Variants in CNTNAP2 observed in about 807,000 individuals in gnomAD.
CNTNAP2 encodes the protein contactin-associated protein-like 2.
Under a neutral mutation model 155.2 loss-of-function variants are expected in CNTNAP2, and 98 were observed. The ratio of observed to expected loss-of-function variants is 0.63; its 90% CI spans 0.54 to 0.75. The LOEUF (loss-of-function observed/expected upper bound fraction) is 0.75. CNTNAP2 is among the 30% of genes least tolerant of loss of function. The pLI, the probability that CNTNAP2 is intolerant of heterozygous loss-of-function variation, is 0.00. For synonymous variants in CNTNAP2, 651 were observed against 631.2 expected, an observed-to-expected ratio of 1.03 and a Z score of -0.47; for missense variants, 1,727 against 1,688.1, an observed-to-expected ratio of 1.02 and a Z score of -0.40.
At chr7:147,031,127 G>A (rs2129250204) in intron 3 of CNTNAP2, among the ~76,000 whole-genome samples, 1 of 151,962 alleles carries the variant, frequency 6.6e-6, no homozygotes, top group East Asian at 1.9e-4. Flanking sequence ...TGTTAGATTT[G>A]TATTTCTGTT....
intron 22 of CNTNAP2, among the ~76,000 whole-genome samples, chr7:148,403,872 A>G (rs546985742): frequency 7.2e-6 from 1 of 139,690 alleles, no homozygotes; most frequent in Non-Finnish European, 1.7e-5. Flanking sequence ...GAGTGCTCAC[A>G]CTAAACAAAC....
At chr7:146,288,588 A>C (rs1800376789) in intron 1 of CNTNAP2, among the ~76,000 whole-genome samples, 1 of 151,898 alleles carries the variant, frequency 6.6e-6, no homozygotes, top group Non-Finnish European at 1.5e-5. Context: ...AAAAACCTTA[A>C]GGACTTACTC....
intron 9 of CNTNAP2, among the ~76,000 whole-genome samples, chr7:147,330,193 T>C (rs1421267072): frequency 1.3e-5 from 2 of 152,124 alleles, no homozygotes; most frequent in East Asian, 3.9e-4. Flanking sequence ...TTAGGCTCTA[T>C]GAAAATTCCT....
intron 13 of CNTNAP2, among the ~76,000 whole-genome samples, chr7:147,705,326 T>C (rs1377722521): frequency 2.6e-5 from 4 of 152,176 alleles, no homozygotes; most frequent in Non-Finnish European, 5.9e-5. Context: ...TTCAAGAGCA[T>C]GTTGGTTAAT....
chr7:146,758,098 C>T (rs559425390), intron 1 of CNTNAP2, among the ~76,000 whole-genome samples: 7 of 152,242 alleles, frequency 4.6e-5, no homozygotes, highest in African/African-American at 1.7e-4. Flanking sequence ...TTCCCAATTC[C>T]TTTCTAGATG....
At chr7:146,260,662 G>A (rs1470231104) in intron 1 of CNTNAP2, among the ~76,000 whole-genome samples, 1 of 152,158 alleles carries the variant, frequency 6.6e-6, no homozygotes, top group Non-Finnish European at 1.5e-5. Context: ...TCTCCGTTTT[G>A]GAATGAGAGC....
chr7:146,219,150 G>A (rs1009265317), intron 1 of CNTNAP2, among the ~76,000 whole-genome samples: 5 of 152,074 alleles, frequency 3.3e-5, no homozygotes, highest in African/African-American at 9.7e-5. Context: ...CAGATCTCAC[G>A]AGAAGTCACT....
intron 10 of CNTNAP2, 126 bp from the exon 11 acceptor site, chr7:147,485,809 G>C: frequency 3.5e-6 from 3 of 853,398 alleles, no homozygotes; most frequent in Non-Finnish European, 4.0e-6. Flanking sequence ...AAACTAACAA[G>C]GATTAATTGC....
At chr7:146,358,222 G>C (rs997252604) in intron 1 of CNTNAP2, among the ~76,000 whole-genome samples, 81 of 152,084 alleles carry the variant, frequency 5.3e-4, no homozygotes, top group African/African-American at 1.8e-3. Flanking sequence ...TTTTAGTAGA[G>C]ACGGGGTTTC....
chr7:146,240,795 G>A (rs1380396250), intron 1 of CNTNAP2, among the ~76,000 whole-genome samples: 1 of 152,180 alleles, frequency 6.6e-6, no homozygotes, highest in East Asian at 1.9e-4. Flanking sequence ...AAAGAGTGTT[G>A]GGAAATGTCA....
At chr7:146,792,087 C>G in intron 2 of CNTNAP2, among the ~76,000 whole-genome samples, 1 of 152,130 alleles carries the variant, frequency 6.6e-6, no homozygotes, top group South Asian at 2.1e-4. Flanking sequence ...AATGAGAATT[C>G]TACATCTCAC....
intron 1 of CNTNAP2, among the ~76,000 whole-genome samples, chr7:146,211,581 G>T (rs893641137): frequency 5.9e-5 from 9 of 152,022 alleles, no homozygotes; most frequent in Non-Finnish European, 1.3e-4. Flanking sequence ...GTCCTGATGG[G>T]TTTGTAATAA....
intron 13 of CNTNAP2, among the ~76,000 whole-genome samples, chr7:147,818,013 T>C (rs1798302453): frequency 6.6e-6 from 1 of 152,126 alleles, no homozygotes; most frequent in South Asian, 2.1e-4. Context: ...CATTATATCA[T>C]CTTTTCTGTA....
intron 1 of CNTNAP2, among the ~76,000 whole-genome samples, chr7:146,496,322 A>G (rs1797214250): frequency 1.3e-5 from 2 of 152,204 alleles, no homozygotes; most frequent in South Asian, 4.1e-4. Flanking sequence ...TAGAAACATA[A>G]GAAGCCCTCC....
intron 2 of CNTNAP2, among the ~76,000 whole-genome samples, chr7:146,787,937 C>T (rs1802604775): frequency 6.6e-6 from 1 of 152,192 alleles, no homozygotes; most frequent in African/African-American, 2.4e-5. Context: ...TAGCTAGACA[C>T]AAAAGTTCTC....
chr7:146,312,045 C>T (rs1800834398), intron 1 of CNTNAP2, among the ~76,000 whole-genome samples: 2 of 152,120 alleles, frequency 1.3e-5, no homozygotes, highest in Admixed American at 6.6e-5. Context: ...CGTATCATTT[C>T]CCCACAACCC....
At chr7:147,045,206 T>G (rs1020052263) in intron 4 of CNTNAP2, among the ~76,000 whole-genome samples, 15 of 152,204 alleles carry the variant, frequency 9.9e-5, no homozygotes, top group Middle Eastern at 6.8e-3. Context: ...GCAAAAAGTC[T>G]CTTATTAGCC....
intron 16 of CNTNAP2, among the ~76,000 whole-genome samples, chr7:148,123,741 A>T (rs1157530414): frequency 6.6e-6 from 1 of 150,434 alleles, no homozygotes; most frequent in Non-Finnish European, 1.5e-5. Flanking sequence ...GGAAGAAAGA[A>T]AGAAAAGAAA....
chr7:146,821,199 C>G (rs1478506315), intron 2 of CNTNAP2, among the ~76,000 whole-genome samples: 2 of 152,100 alleles, frequency 1.3e-5, no homozygotes, highest in Non-Finnish European at 2.9e-5. Flanking sequence ...GAATTTGGTC[C>G]TGTCATTATG....
Sources: gnomAD v4.1 joint callset for allele counts (sites outside exome capture counted in the v4.1 genomes callset) on GRCh38, gnomAD v4.1.1 for gene constraint, MANE v1.5 for transcripts, NCBI Gene and HGNC (gene_info 2026-07-23, HGNC 2026-07-21) for gene names.